RERE: variants seen among roughly 807,000 people sequenced by gnomAD.
RERE encodes the protein arginine-glutamic acid dipeptide repeats, also known as arginine-glutamic acid dipeptide repeats protein.
Under a neutral mutation model 146.1 loss-of-function variants are expected in RERE, and 40 were observed. That is an observed-to-expected ratio of 0.27 (90% CI 0.21 to 0.36). The LOEUF (loss-of-function observed/expected upper bound fraction) is 0.36, where lower values mean the gene tolerates loss of function less well. RERE is among the 10% of genes least tolerant of loss of function. The probability of loss-of-function intolerance (pLI) is 1.00; values close to 1 mark genes in which losing one functional copy is unlikely to be tolerated. For synonymous variants in RERE, 1,003 were observed against 866.0 expected (o/e 1.16, Z -2.78); for missense variants, 1,933 against 2,138.7 (o/e 0.90, Z 1.90).
At chr1:8,799,219 C>G (rs1641539630) in intron 1 of RERE, 1 of 152,232 alleles carries the variant, frequency 6.6e-6, no homozygotes, top group Non-Finnish European at 1.5e-5. Context: ...GTCTCAAACT[C>G]CTGACCTCAG....
intron 1 of RERE, among the ~76,000 whole-genome samples, chr1:8,666,316 T>C (rs370166669): frequency 6.6e-6 from 1 of 152,208 alleles, no homozygotes; most frequent in East Asian, 1.9e-4. Context: ...GCCTGTGCCA[T>C]TTCTGCATTT....
chr1:8,506,577 C>G (rs1645252551), intron 8 of RERE, among the ~76,000 whole-genome samples: 1 of 152,234 alleles, frequency 6.6e-6, no homozygotes, highest in African/African-American at 2.4e-5. Flanking sequence ...CTGCCTGTAT[C>G]CCATGTCTTT....
intron 10 of RERE, among the ~76,000 whole-genome samples, chr1:8,471,880 C>T (rs1644691000): frequency 1.3e-5 from 2 of 152,110 alleles, no homozygotes; most frequent in East Asian, 1.9e-4. Context: ...GGCATGATCT[C>T]GGCTCATTAC....
chr1:8,485,695 G>A (rs1208950680), intron 10 of RERE, among the ~76,000 whole-genome samples: 1 of 151,202 alleles, frequency 6.6e-6, no homozygotes, highest in African/African-American at 2.4e-5. Flanking sequence ...GACAGAGAAA[G>A]ACACAAATAT....
chr1:8,815,255 A>G (rs943658594), intron 1 of RERE, among the ~76,000 whole-genome samples: 1 of 152,222 alleles, frequency 6.6e-6, no homozygotes, highest in African/African-American at 2.4e-5. Context: ...TGACAGCTCA[A>G]TTGCCAGCAA....
At chr1:8,386,006 ATATATATATATATATATTTTT>A (rs1557603116) in intron 12 of RERE, among the ~76,000 whole-genome samples, 3 of 38,260 alleles carry the variant, frequency 7.8e-5, no homozygotes, top group Non-Finnish European at 1.5e-4. Context: ...ATATATATAT[ATATATATATATATATATTTTT>A]TTTTTTTTTT....
intron 7 of RERE, among the ~76,000 whole-genome samples, chr1:8,517,989 T>C (rs1645443545): frequency 6.6e-6 from 1 of 152,168 alleles, no homozygotes; most frequent in Non-Finnish European, 1.5e-5. Flanking sequence ...GCATGCCTGC[T>C]AGATGCAGGA....
rs775943537 is a variant in RERE, at chr1:8,363,870, C to T, written c.1740+186G>A. On this transcript the variant is annotated intron_variant, in intron 15 of 22. Transcript: ENST00000400908. ...AGCAGGATGCCACCCTGGGGCCCCT[C>T]GAAGGAGAGAACAGAGAACTCTTCC... 2.8e-4 allele frequency: 172 copies of T among 617,190 alleles called. 1 individual carries two copies. The highest frequency in any genetic ancestry group is 4.0e-5 in the South Asian group (2 of 50,364). 38.2% of individuals were successfully genotyped at this position (617,190 alleles called of 1,614,324 possible). A position where few individuals can be genotyped will look rare whatever the true frequency, so the allele number is the denominator to read the frequency against.
chr1:8,538,141 G>A (rs774999829), intron 7 of RERE, among the ~76,000 whole-genome samples: 7 of 152,172 alleles, frequency 4.6e-5, no homozygotes, highest in Non-Finnish European at 7.3e-5. Flanking sequence ...TAAATTTCCA[G>A]TGGACTTTCC....
chr1:8,631,791 T>C (rs959260820), intron 2 of RERE, among the ~76,000 whole-genome samples: 34 of 152,296 alleles, frequency 2.2e-4, no homozygotes, highest in Non-Finnish European at 4.9e-4. Context: ...AAACTTGTGT[T>C]CATATACAGC....
intron 12 of RERE, among the ~76,000 whole-genome samples, chr1:8,417,218 TA>T (rs1643801325): frequency 6.6e-6 from 1 of 152,238 alleles, no homozygotes. Flanking sequence ...TTTAACCTCT[TA>T]ATATTAACAG....
chr1:8,810,499 A>G (rs975123551), intron 1 of RERE, among the ~76,000 whole-genome samples: 2 of 152,172 alleles, frequency 1.3e-5, no homozygotes, highest in Non-Finnish European at 2.9e-5. Flanking sequence ...CCAGCTACTC[A>G]GGTGGCTGAG....
At chr1:8,382,591 T>C (rs1257466340) in intron 12 of RERE, among the ~76,000 whole-genome samples, 1 of 152,222 alleles carries the variant, frequency 6.6e-6, no homozygotes, top group Non-Finnish European at 1.5e-5. Context: ...GAACGGAACA[T>C]AACAGGTACC....
At chr1:8,726,818 T>C (rs1327195450) in intron 1 of RERE, among the ~76,000 whole-genome samples, 1 of 152,126 alleles carries the variant, frequency 6.6e-6, no homozygotes, top group African/African-American at 2.4e-5. Context: ...TATTTATTTA[T>C]TTATTGAGAA....
intron 7 of RERE, among the ~76,000 whole-genome samples, chr1:8,537,741 A>G (rs1645745884): frequency 6.6e-6 from 1 of 152,242 alleles, no homozygotes; most frequent in South Asian, 2.1e-4. Flanking sequence ...TAGAGTACAG[A>G]ACAGTCAGTC....
intron 7 of RERE, among the ~76,000 whole-genome samples, chr1:8,527,810 C>T (rs757449247): frequency 6.6e-6 from 1 of 152,052 alleles, no homozygotes; most frequent in Non-Finnish European, 1.5e-5. Context: ...GGCAGCGTAC[C>T]CCAGCGGCCA....
At chr1:8,489,139 T>C (rs1570324114) in intron 10 of RERE, among the ~76,000 whole-genome samples, 1 of 151,988 alleles carries the variant, frequency 6.6e-6, no homozygotes, top group East Asian at 1.9e-4. Context: ...AGGCCAGGCA[T>C]TCTAGACCAG....
intron 1 of RERE, among the ~76,000 whole-genome samples, chr1:8,715,236 G>A (rs1271876880): frequency 2.6e-5 from 4 of 151,842 alleles, no homozygotes; most frequent in Non-Finnish European, 5.9e-5. Context: ...ATTCGGCTGG[G>A]TGCGGTGGCT....
intron 11 of RERE, among the ~76,000 whole-genome samples, chr1:8,459,818 A>G (rs1644503278): frequency 6.6e-6 from 1 of 152,218 alleles, no homozygotes; most frequent in African/African-American, 2.4e-5. Flanking sequence ...AAAGAATAAG[A>G]AAGTGAAAAG....
Sources: allele counts gnomAD v4.1 joint callset (sites outside exome capture counted in the v4.1 genomes callset), GRCh38; gene constraint gnomAD v4.1.1; transcripts MANE v1.5; gene names NCBI Gene and HGNC (gene_info 2026-07-23, HGNC 2026-07-21).